SRCAP: variants seen among roughly 807,000 people sequenced by gnomAD.
SRCAP encodes chromatin remodeling protein SRCAP.
Under a neutral mutation model 263.1 loss-of-function variants are expected in SRCAP, and 46 were observed. The observed-to-expected ratio is 0.17, with a 90% CI of 0.14 to 0.22. The LOEUF is 0.22. Among genes scored for constraint, SRCAP ranks in the 10% least tolerant of loss-of-function variants. The probability of loss-of-function intolerance (pLI) is 1.00; values close to 1 mark genes in which losing one functional copy is unlikely to be tolerated. For missense variants in SRCAP, 3,695 were observed against 4,181.9 expected, an observed-to-expected ratio of 0.88 and a Z score of 3.21; for synonymous variants, 1,813 against 1,662.1, an observed-to-expected ratio of 1.09 and a Z score of -2.21.
intron 14 of SRCAP, 127 bp from the exon 15 acceptor site, chr16:30,713,081 A>G (rs2052910105): frequency 8.8e-7 from 1 of 1,136,304 alleles, no homozygotes. Flanking sequence ...CTGTCGCTCC[A>G]TTCTTTTGCT....
chr16:30,732,626 A>AT (rs2053124277), intron 27 of SRCAP, among the ~76,000 whole-genome samples: 1 of 152,140 alleles, frequency 6.6e-6, no homozygotes, highest in African/African-American at 2.4e-5. Context: ...GGATTTGTTG[A>AT]TATCTATCCT....
chr16:30,720,433 A>C, intron 19 of SRCAP, 102 bp downstream of exon 19: 1 of 1,372,434 alleles, frequency 7.3e-7, no homozygotes, highest in Non-Finnish European at 1.0e-6. Context: ...GCAAGGCTGG[A>C]ATATTTATAT....
intron 2 of SRCAP, 39 bp downstream of exon 2, chr16:30,700,020 G>A (rs2052747533): frequency 6.6e-6 from 1 of 152,196 alleles, no homozygotes; most frequent in Non-Finnish European, 1.5e-5. Flanking sequence ...TGATGCTAAT[G>A]GGAGAAATGT....
rs1482418802 is a variant in SRCAP at position 30,737,787 on chromosome 16, A to G, written c.7747A>G (p.Lys2583Glu). 4 of 1,614,004 alleles carry G rather than the reference A, an allele frequency of 2.5e-6. No homozygotes were observed. Among genetic ancestry groups the G allele is most frequent in the East Asian group, 2.2e-5 (1 of 44,900 alleles). ...ETSSLSLVPPKDLLPVAVEIL... is the reference protein window; with the variant it reads ...ETSSLSLVPPEDLLPVAVEIL... ...CTCCTCACTTTCTCTTGTGCCCCCT[A>G]AAGATCTGTTGCCAGTTGCTGTGGA... Residue 2583 changes from lysine (K) to glutamate (E), a missense_variant, in exon 34 of 34, where the codon AAA becomes GAA. Lys to Glu is a moderately conservative substitution (Grantham distance 56). Around this residue, in one of 12 missense-constraint regions of SRCAP, gnomAD observed 1,207 missense variants for 1,142.9 expected, o/e 1.06. Coordinates refer to ENST00000262518, the MANE Select transcript of SRCAP (RefSeq NM_006662.3).
Position 30,701,690 on chromosome 16 carries a change from C to T in SRCAP, c.54+812C>T, listed in dbSNP as rs1159518610. ...TTTCAGCCAGGCTGGAATGCAATGG[C>T]GCGATCTCGGCTCACTGCAACCTCC... is the stretch of plus-strand genomic sequence containing the variant. On this transcript the variant is annotated intron_variant, in intron 3 of 33. Coordinates refer to ENST00000262518, the MANE Select transcript of SRCAP (RefSeq NM_006662.3). Among the ~76,000 whole-genome samples the T allele has an allele frequency of 4.2e-5, 6 of 144,434 alleles. No individual in the cohort carries two copies. In the East Asian group the frequency reaches 1.2e-3, roughly 29 times the overall value. 94.8% of individuals were successfully genotyped at this position (144,434 alleles called of 152,430 possible). A position where few individuals can be genotyped will look rare whatever the true frequency, so the allele number is the denominator to read the frequency against.
Position 30,700,801 on chromosome 16 carries a change from A to G in SRCAP, c.-24A>G, listed in dbSNP as rs751257123. 1.9e-6 allele frequency: 3 copies of G among 1,611,990 alleles called. No individual in the cohort carries two copies. The highest frequency in any genetic ancestry group is 2.5e-6 in the Non-Finnish European group (3 of 1,178,322). On this transcript the variant is annotated 5_prime_UTR_variant, in exon 3 of 34. Transcript: ENST00000262518. ...CAACCCAGTCATTCTTCAGGCATCC[A>G]AGGGGGAGCCTGGGAGTGGGACCAT...
Position 30,725,279 on chromosome 16 carries a change from C to T in SRCAP, c.5658+197C>T, listed in dbSNP as rs1445509919. ...CTCATGATCCGCCTGCCTCAGCCTC[C>T]TGAAGTGTTAGGATTACAGGGGTGA... On this transcript the variant is annotated intron_variant, in intron 25 of 33. Coordinates refer to ENST00000262518, the MANE Select transcript of SRCAP (RefSeq NM_006662.3). The T allele has an allele frequency of 6.6e-6, 8 of 1,211,088 alleles. No individual in the cohort carries two copies. The South Asian group carries it at 1.0e-4, about 16-fold the overall frequency. The allele number at this position is 1,211,088 out of a possible 1,614,324, so 75.0% of individuals were successfully genotyped here.
chr16:30,728,874 T>G (rs1172393044), intron 25 of SRCAP, 92 bp from the exon 26 acceptor site: 2 of 1,420,594 alleles, frequency 1.4e-6, no homozygotes, highest in Non-Finnish European at 1.9e-6. Context: ...TCCCATGGTT[T>G]CTATATATTT....
rs1252738382 is a variant in SRCAP at position 30,729,025 on chromosome 16, A to G, written c.5718A>G (p.Gln1906=). The change falls in exon 26 of 34, where the codon CAA becomes CAG. Residue 1906 remains glutamine (Q), a synonymous_variant. Coordinates refer to ENST00000262518, the MANE Select transcript of SRCAP (RefSeq NM_006662.3). ...QRSERLERIF[Q]LSEAHGALAP... is the part of the protein sequence containing the mutation. Reference sequence around the variant, plus strand: ...CTGAACGCCTGGAACGGATTTTCCAACTTAGTGAGGCTCATGGGGCCCTGG... The same window carrying G: ...CTGAACGCCTGGAACGGATTTTCCAGCTTAGTGAGGCTCATGGGGCCCTGG... 1.2e-6 allele frequency: 2 copies of G among 1,614,018 alleles called. No individual in the cohort carries two copies. The highest frequency in any genetic ancestry group is 8.5e-7 in the Non-Finnish European group (1 of 1,180,014).
At position 30,739,500 on chromosome 16, in the gene SRCAP, C is replaced by A. The variant is rs755552459; in HGVS notation, c.9460C>A (p.Arg3154=). 4 of 1,613,284 alleles carry A rather than the reference C, an allele frequency of 2.5e-6. No individual in the cohort carries two copies. The highest frequency in any genetic ancestry group is 3.4e-6 in the Non-Finnish European group (4 of 1,179,768). The change falls in exon 34 of 34, where the codon CGG becomes AGG. Residue 3154 remains arginine, a synonymous_variant. Coordinates refer to ENST00000262518, the MANE Select transcript of SRCAP (RefSeq NM_006662.3). ...PVGGSPGLAK[R]GRLQPPSPLG... ...TGGTGGGAGTCCTGGGCTGGCAAAG[C>A]GGGGCCGCCTACAGCCCCCAAGTCC... is the stretch of plus-strand genomic sequence containing the variant.
chr16:30,739,697 T>A lies in SRCAP; in HGVS notation c.9657T>A (p.Pro3219=). The A allele has an allele frequency of 6.6e-7, 1 of 1,522,392 alleles. No individual in the cohort carries two copies. Among genetic ancestry groups the A allele is most frequent in the Non-Finnish European group, 8.8e-7 (1 of 1,136,528 alleles). The allele number at this position is 1,522,392 out of a possible 1,614,324, so 94.3% of individuals were successfully genotyped here. The change falls in exon 34 of 34, where the codon CCT becomes CCA. Residue 3219 remains proline (P), a synonymous_variant. Transcript: ENST00000262518. The part of the protein sequence containing the change: ...RSSAPPSLAG[P]AVSHRGRKAK... ...GCGCCCCTCCCTCCCTGGCTGGCCC[T>A]GCTGTTAGTCACAGAGGCCGCAAGG...
At chr16:30,728,682 A>G (rs2053085116) in intron 25 of SRCAP, among the ~76,000 whole-genome samples, 1 of 152,238 alleles carries the variant, frequency 6.6e-6, no homozygotes, top group South Asian at 2.1e-4. Flanking sequence ...ATATTCAGTC[A>G]TTCTGCTTTG....
chr16:30,722,126 C>T lies in SRCAP; in HGVS notation c.3546C>T (p.Gly1182=), dbSNP rs564620489. The T allele has an allele frequency of 7.4e-6, 12 of 1,612,904 alleles. No individual in the cohort carries two copies. The highest frequency in any genetic ancestry group is 5.0e-5 in the Admixed American group (3 of 59,892). ...SPDMQARLPS[G]EVVSIGQLAS... ...TAAGGCCTTCTCTGTTTTTAGCAGG[C>T]GAAGTGGTCAGCATCGGGCAGTTAG... Residue 1182 remains glycine (G), a synonymous_variant, in exon 22 of 34, where the codon GGC becomes GGT. Coordinates refer to ENST00000262518, the MANE Select transcript of SRCAP (RefSeq NM_006662.3).
At chr16:30,713,835 A>G (rs1397463999) in intron 16 of SRCAP, 124 bp downstream of exon 16, 6 of 838,040 alleles carry the variant, frequency 7.2e-6, no homozygotes, top group South Asian at 3.4e-5. Context: ...TCCTTTGTCA[A>G]GCTGCAGTGT....
chr16:30,716,440 C>G lies in SRCAP; in HGVS notation c.2778C>G (p.Ala926=), dbSNP rs2052951068. The change falls in exon 18 of 34, where the codon GCC becomes GCG. Residue 926 remains alanine, a synonymous_variant. Coordinates refer to ENST00000262518, the MANE Select transcript of SRCAP (RefSeq NM_006662.3). ...CCCCAGGCATCTGCTTCAGCACCGC[C>G]TCTCTGGTGCTAAGGGCCACGGATG... ...FITPGICFST[A]SLVLRATDVH... 2.5e-6 allele frequency: 4 copies of G among 1,614,100 alleles called. No individual in the cohort carries two copies. Among genetic ancestry groups the G allele is most frequent in the Admixed American group, 1.7e-5 (1 of 59,996 alleles).
Position 30,738,427 on chromosome 16 carries a change from T to C in SRCAP, c.8387T>C (p.Met2796Thr), listed in dbSNP as rs143103128. The C allele has an allele frequency of 3.6e-4, 560 of 1,553,252 alleles. 2 individuals carry two copies. The highest frequency in any genetic ancestry group is 2.6e-3 in the South Asian group (208 of 81,332). The change falls in exon 34 of 34, where the codon ATG becomes ACG. Residue 2796 changes from methionine (M) to threonine (T), a missense_variant. By Grantham distance (81) the Met-to-Thr change is moderately conservative (BLOSUM62 -1). Around this residue, in one of 12 missense-constraint regions of SRCAP, gnomAD observed 1,207 missense variants for 1,142.9 expected, o/e 1.06. Transcript: ENST00000262518. ...CCGGGAAGCCCGTCTGTCCGCAGCATGTCAGGGCCAGAATCCTCCCCTCCC... is the reference window on the plus strand; with the variant it reads ...CCGGGAAGCCCGTCTGTCCGCAGCACGTCAGGGCCAGAATCCTCCCCTCCC... ...ASPGSPSVRS[M>T]SGPESSPPIG...
At chr16:30,700,593 T>C (rs2052755513) in intron 2 of SRCAP, 23 bp from the exon 3 acceptor site, 1 of 409,150 alleles carries the variant, frequency 2.4e-6, no homozygotes, top group Non-Finnish European at 4.4e-6. Flanking sequence ...CTGTCTTTTT[T>C]TTTTTTTTTA....
intron 25 of SRCAP, 36 bp from the exon 26 acceptor site, chr16:30,728,930 G>C: frequency 6.3e-7 from 1 of 1,583,876 alleles, no homozygotes; most frequent in African/African-American, 1.3e-5. Flanking sequence ...GGACTCTGAG[G>C]GTGCTGATTA....
At chr16:30,734,219 T>C (rs894014490) in intron 30 of SRCAP, 2 of 622,632 alleles carry the variant, frequency 3.2e-6, no homozygotes, top group South Asian at 2.1e-5. Flanking sequence ...GGTGGGCGCC[T>C]GTAATCCCAG....
Sources: allele counts gnomAD v4.1 joint callset (sites outside exome capture counted in the v4.1 genomes callset), GRCh38; gene constraint gnomAD v4.1.1; regional missense constraint gnomAD v4.1.1; transcripts MANE v1.5; gene names NCBI Gene and HGNC (gene_info 2026-07-23, HGNC 2026-07-21).